Variants in TNIP3 observed in about 807,000 individuals in gnomAD.
The protein encoded by TNIP3 is TNFAIP3-interacting protein 3.
In TNIP3, 34 loss-of-function variants were observed where a neutral mutation model predicts 54.1. The ratio of observed to expected loss-of-function variants is 0.63; its 90% CI spans 0.48 to 0.84. The LOEUF is 0.84. Among genes scored for constraint, TNIP3 ranks in the 40% least tolerant of loss-of-function variants. TNIP3 has a pLI of 0.00. For missense variants in TNIP3, 366 were observed against 387.6 expected, an observed-to-expected ratio of 0.94 and a Z score of 0.47; for synonymous variants, 134 against 136.8, an observed-to-expected ratio of 0.98 and a Z score of 0.14.
At chr4:121,174,264 G>T (rs1196154808) in intron 3 of TNIP3, among the ~76,000 whole-genome samples, 1 of 152,056 alleles carries the variant, frequency 6.6e-6, no homozygotes, top group Non-Finnish European at 1.5e-5. Flanking sequence ...AAGAGACTAG[G>T]CATGGTGGCT....
chr4:121,174,920 A>G (rs1258020399), intron 3 of TNIP3, among the ~76,000 whole-genome samples: 1 of 152,228 alleles, frequency 6.6e-6, no homozygotes, highest in East Asian at 1.9e-4. Flanking sequence ...ATTTTCAATC[A>G]AACTAGAAAC....
chr4:121,220,060 A>C (rs1726966445), upstream of TNIP3, among the ~76,000 whole-genome samples: 1 of 152,190 alleles, frequency 6.6e-6, no homozygotes, highest in South Asian at 2.1e-4. Flanking sequence ...AAGATTCTAT[A>C]AAGTAATAGG....
intron 2 of TNIP3, among the ~76,000 whole-genome samples, chr4:121,194,936 G>T (rs1488999890): frequency 2.6e-5 from 4 of 152,158 alleles, no homozygotes; most frequent in African/African-American, 9.7e-5. Flanking sequence ...GGGAAGCCAA[G>T]GTGGGCGGAT....
intron 7 of TNIP3, among the ~76,000 whole-genome samples, chr4:121,143,554 A>G (rs1238478536): frequency 6.6e-6 from 1 of 152,188 alleles, no homozygotes; most frequent in Non-Finnish European, 1.5e-5. Flanking sequence ...TTTTAGACCA[A>G]TGTGTACTAT....
upstream of TNIP3, among the ~76,000 whole-genome samples, chr4:121,219,435 C>T (rs1726941132): frequency 6.6e-6 from 1 of 152,194 alleles, no homozygotes; most frequent in Admixed American, 6.5e-5. Context: ...TTCTTGGATG[C>T]ATTTCAGCAC....
At chr4:121,207,072 G>A (rs191382553) in intron 2 of TNIP3, among the ~76,000 whole-genome samples, 313 of 152,280 alleles carry the variant, frequency 2.1e-3, no homozygotes, top group African/African-American at 7.2e-3. Flanking sequence ...AACAGTCATG[G>A]AAGATCATAT....
At chr4:121,143,862 A>G (rs1043114995) in intron 7 of TNIP3, among the ~76,000 whole-genome samples, 1 of 152,206 alleles carries the variant, frequency 6.6e-6, no homozygotes, top group Non-Finnish European at 1.5e-5. Flanking sequence ...GGCACATCAC[A>G]TCCTTCATGC....
chr4:121,149,758 T>A (rs568809942), intron 6 of TNIP3, among the ~76,000 whole-genome samples: 1 of 152,244 alleles, frequency 6.6e-6, no homozygotes, highest in African/African-American at 2.4e-5. Context: ...AATGGGAGAC[T>A]CTGTCTCAAA....
chr4:121,133,747 G>A (rs746076030), intron 10 of TNIP3, among the ~76,000 whole-genome samples: 1 of 152,190 alleles, frequency 6.6e-6, no homozygotes, highest in Non-Finnish European at 1.5e-5. Flanking sequence ...TTCCCTAAAT[G>A]TACAGTGAAG....
At chr4:121,138,438 C>T (rs927141186) in intron 10 of TNIP3, among the ~76,000 whole-genome samples, 186 bp downstream of exon 10, 2 of 152,198 alleles carry the variant, frequency 1.3e-5, no homozygotes, top group East Asian at 1.9e-4. Flanking sequence ...TTTCTGCATT[C>T]GCACATTTTC....
chr4:121,151,971 T>C (rs1403944106), intron 5 of TNIP3, among the ~76,000 whole-genome samples: 1 of 152,224 alleles, frequency 6.6e-6, no homozygotes, highest in East Asian at 1.9e-4. Flanking sequence ...CTTAGGTAAT[T>C]GTTTTCACTT....
At position 121,160,660 on chromosome 4, in the gene TNIP3, G is replaced by C. The variant is rs563671905; in HGVS notation, c.147+476C>G. Among the ~76,000 whole-genome samples, 11 of 152,244 alleles carry C rather than the reference G, an allele frequency of 7.2e-5. No individual in the cohort carries two copies. In the South Asian group the frequency reaches 2.3e-3, roughly 32 times the overall value. ...CATTTTAGAAACAAACTTTATTTAT[G>C]ATAATGCTTTTTAACTCCCATGTGT... On this transcript the variant is annotated intron_variant, in intron 2 of 10. Coordinates refer to ENST00000057513, the MANE Select transcript of TNIP3 (RefSeq NM_024873.6).
chr4:121,166,199 C>A (rs1730759351), upstream of TNIP3, among the ~76,000 whole-genome samples: 3 of 152,198 alleles, frequency 2.0e-5, no homozygotes, highest in Admixed American at 2.0e-4. Context: ...ACCTTTGCTT[C>A]TTTCTTTACA....
At chr4:121,215,363 G>A (rs1726727445) in intron 2 of TNIP3, among the ~76,000 whole-genome samples, 2 of 152,134 alleles carry the variant, frequency 1.3e-5, no homozygotes, top group African/African-American at 4.8e-5. Context: ...CACTTGAAAG[G>A]TATCACAAAA....
upstream of TNIP3, among the ~76,000 whole-genome samples, chr4:121,167,679 A>G (rs1300637871): frequency 6.6e-6 from 1 of 152,226 alleles, no homozygotes; most frequent in Non-Finnish European, 1.5e-5. Context: ...ACATGATCAA[A>G]GTGGTTTTTT....
At chr4:121,165,685 G>GTT (rs1730726478), upstream of TNIP3, among the ~76,000 whole-genome samples, 2 of 152,052 alleles carry the variant, frequency 1.3e-5, no homozygotes, top group Non-Finnish European at 2.9e-5. Flanking sequence ...GTGTGTGTGT[G>GTT]TGTGTGTTTA....
chr4:121,193,026 C>G (rs2148834044), intron 2 of TNIP3: 1 of 152,218 alleles, frequency 6.6e-6, no homozygotes, highest in East Asian at 1.9e-4. Context: ...AGAAACAGTT[C>G]TCATTTTATA....
At chr4:121,198,118 G>C (rs1381238047) in intron 2 of TNIP3, among the ~76,000 whole-genome samples, 1 of 151,428 alleles carries the variant, frequency 6.6e-6, no homozygotes, top group Non-Finnish European at 1.5e-5. Flanking sequence ...TCTTTCTTAA[G>C]GACCTTGGCT....
At chr4:121,134,831 G>A (rs1286066778) in intron 10 of TNIP3, among the ~76,000 whole-genome samples, 2 of 152,166 alleles carry the variant, frequency 1.3e-5, no homozygotes, top group East Asian at 3.9e-4. Flanking sequence ...CTTCCTCACA[G>A]TGTGAGCGAC....
Sources: allele counts gnomAD v4.1 joint callset (sites outside exome capture counted in the v4.1 genomes callset), GRCh38; gene constraint gnomAD v4.1.1; transcripts MANE v1.5; gene names NCBI Gene and HGNC (gene_info 2026-07-23, HGNC 2026-07-21).